PARD3: variants seen among roughly 807,000 people sequenced by gnomAD.
PARD3 encodes par-3 family cell polarity regulator.
PARD3 carries 75 observed loss-of-function variants against 155.4 expected under a neutral mutation model. The observed-to-expected ratio is 0.48, with a 90% CI of 0.40 to 0.58. PARD3 has a LOEUF of 0.58. Among genes scored for constraint, PARD3 ranks in the 20% least tolerant of loss-of-function variants. PARD3 has a pLI of 0.00. For missense variants in PARD3, 1,642 were observed against 1,721.7 expected, an observed-to-expected ratio of 0.95 and a Z score of 0.82; for synonymous variants, 576 against 610.5, an observed-to-expected ratio of 0.94 and a Z score of 0.83.
intron 7 of PARD3, among the ~76,000 whole-genome samples, chr10:34,390,216 T>G (rs918925869): frequency 2.0e-5 from 3 of 152,304 alleles, no homozygotes; most frequent in Non-Finnish European, 4.4e-5. Flanking sequence ...CATTAGCATA[T>G]GTACCCAATT....
chr10:34,419,128 A>G (rs1208898520), intron 5 of PARD3, among the ~76,000 whole-genome samples: 1 of 152,194 alleles, frequency 6.6e-6, no homozygotes, highest in Non-Finnish European at 1.5e-5. Context: ...AAAAAACAGA[A>G]TAACTGTTGA....
intron 22 of PARD3, among the ~76,000 whole-genome samples, chr10:34,134,998 C>T (rs186291946): frequency 1.3e-5 from 2 of 152,318 alleles, no homozygotes; most frequent in Admixed American, 6.5e-5. Context: ...CTCATCCCTA[C>T]ACATCCTAAT....
In PARD3 at chr10:34,269,454, T is replaced by C. The variant is rs747004382; in HGVS notation, c.3419+203A>G. On this transcript the variant is annotated intron_variant, in intron 22 of 24. Coordinates refer to ENST00000374788, the MANE Select transcript of PARD3 (RefSeq NM_001184785.2). ...AACAAAATGAAATATGTTGGAATCA[T>C]TAGAAAAGCCATCAAAACCTCTGCT... Among the ~76,000 whole-genome samples the C allele has an allele frequency of 9.2e-5, 14 of 152,206 alleles. No homozygotes were observed. Among genetic ancestry groups the C allele is most frequent in the Non-Finnish European group, 1.8e-4 (12 of 68,028 alleles).
intron 19 of PARD3, among the ~76,000 whole-genome samples, chr10:34,327,829 C>T (rs58566433): frequency 1.3e-5 from 2 of 152,226 alleles, no homozygotes; most frequent in East Asian, 3.9e-4. Context: ...TGAGTTGGAC[C>T]ATCGGGACAA....
intron 1 of PARD3, among the ~76,000 whole-genome samples, chr10:34,725,604 TG>T (rs568630298): frequency 7.9e-5 from 12 of 151,982 alleles, no homozygotes; most frequent in East Asian, 1.9e-4. Context: ...AATCTACCCT[TG>T]GGGGGGCACA....
At position 34,139,324 on chromosome 10, in the gene PARD3, T is replaced by G. The variant is rs114615917; in HGVS notation, c.3420-7741A>C. Among the ~76,000 whole-genome samples the G allele has an allele frequency of 2.2e-3, 333 of 152,318 alleles. 1 individual carries two copies. The highest frequency in any genetic ancestry group is 7.3e-3 in the African/African-American group (305 of 41,580). On this transcript the variant is annotated intron_variant, in intron 22 of 24. Coordinates refer to ENST00000374788, the MANE Select transcript of PARD3 (RefSeq NM_001184785.2). ...AGGAGGTTCTTGCACTTCAGTCCCC[T>G]CATTTAAGAAAAATTTATCTCTTTA...
intron 20 of PARD3, among the ~76,000 whole-genome samples, chr10:34,296,433 G>A (rs776698934): frequency 6.6e-6 from 1 of 152,118 alleles, no homozygotes; most frequent in Non-Finnish European, 1.5e-5. Flanking sequence ...GTCTTGCTAT[G>A]TTGCCCAGGC....
At chr10:34,287,549 A>T (rs576681564) in intron 20 of PARD3, among the ~76,000 whole-genome samples, 3 of 152,110 alleles carry the variant, frequency 2.0e-5, no homozygotes, top group Non-Finnish European at 2.9e-5. Flanking sequence ...AAAGATTTAG[A>T]TTGGTTGATT....
intron 22 of PARD3, among the ~76,000 whole-genome samples, chr10:34,231,787 T>C (rs72786231): frequency 0.13 from 20,383 of 152,010 alleles, 1,870 homozygotes; most frequent in Middle Eastern, 0.22. Context: ...CTGAACTCAT[T>C]AGGGATATAT....
At chr10:34,300,135 A>G (rs1957079782) in intron 20 of PARD3, among the ~76,000 whole-genome samples, 1 of 152,348 alleles carries the variant, frequency 6.6e-6, no homozygotes, top group East Asian at 1.9e-4. Context: ...CTCTTTGGAT[A>G]GACATGAAAG....
chr10:34,343,699 T>C (rs1005478192), intron 15 of PARD3: 2 of 984,476 alleles, frequency 2.0e-6, no homozygotes, highest in African/African-American at 3.5e-5. Flanking sequence ...ATCCCTTAAT[T>C]ATGTTTGCTA....
chr10:34,287,061 G>A (rs1245275510), intron 20 of PARD3, among the ~76,000 whole-genome samples: 1 of 152,074 alleles, frequency 6.6e-6, no homozygotes. Flanking sequence ...GGACTTGGGG[G>A]TGAAGATATC....
intron 1 of PARD3, among the ~76,000 whole-genome samples, chr10:34,772,053 G>A (rs1023529139): frequency 2.6e-5 from 4 of 152,182 alleles, no homozygotes; most frequent in Non-Finnish European, 5.9e-5. Flanking sequence ...CCAACAAGCA[G>A]AATGCAAGAT....
At chr10:34,147,431 A>G (rs979438089) in intron 22 of PARD3, among the ~76,000 whole-genome samples, 7 of 143,432 alleles carry the variant, frequency 4.9e-5, no homozygotes, top group African/African-American at 1.7e-4. Context: ...CTCTAGTTTG[A>G]CTTTTTTTCT....
At chr10:34,495,065 G>A (rs1240142315) in intron 3 of PARD3, among the ~76,000 whole-genome samples, 2 of 151,960 alleles carry the variant, frequency 1.3e-5, no homozygotes, top group Non-Finnish European at 2.9e-5. Context: ...CAACACAATG[G>A]TTGAGCCCAA....
At chr10:34,695,125 A>C (rs1444287351) in intron 2 of PARD3, among the ~76,000 whole-genome samples, 2 of 152,220 alleles carry the variant, frequency 1.3e-5, no homozygotes, top group Non-Finnish European at 2.9e-5. Flanking sequence ...TACCATGCTG[A>C]TGTAACTATG....
intron 22 of PARD3, among the ~76,000 whole-genome samples, chr10:34,149,147 A>G (rs1007825475): frequency 1.3e-5 from 2 of 152,174 alleles, no homozygotes; most frequent in Non-Finnish European, 2.9e-5. Flanking sequence ...ACTACCAGAA[A>G]CAGCAATAAA....
chr10:34,731,825 G>C (rs1201985635), intron 1 of PARD3, among the ~76,000 whole-genome samples: 2 of 152,012 alleles, frequency 1.3e-5, no homozygotes, highest in African/African-American at 4.8e-5. Flanking sequence ...GCTGTAATGA[G>C]TCTGCAAATA....
At chr10:34,688,737 A>C (rs1361916530) in intron 2 of PARD3, among the ~76,000 whole-genome samples, 1 of 152,248 alleles carries the variant, frequency 6.6e-6, no homozygotes, top group Non-Finnish European at 1.5e-5. Flanking sequence ...AAACTTCCTC[A>C]GTGCTGTGCC....
Sources: allele counts gnomAD v4.1 joint callset (sites outside exome capture counted in the v4.1 genomes callset), GRCh38; gene constraint gnomAD v4.1.1; transcripts MANE v1.5; gene names NCBI Gene and HGNC (gene_info 2026-07-23, HGNC 2026-07-21).